GLCE: variants seen among roughly 807,000 people sequenced by gnomAD.
The protein encoded by GLCE is D-glucuronyl C5-epimerase.
GLCE carries 19 observed loss-of-function variants against 47.9 expected under a neutral mutation model. That is an observed-to-expected ratio of 0.40 (90% confidence interval 0.28 to 0.58). The LOEUF (loss-of-function observed/expected upper bound fraction) is 0.58. Among genes scored for constraint, GLCE ranks in the 20% least tolerant of loss-of-function variants. The pLI, the probability that GLCE is intolerant of heterozygous loss-of-function variation, is 0.48. For missense variants in GLCE, 556 were observed against 743.3 expected (o/e 0.75, Z 2.93); for synonymous variants, 245 against 263.4 (o/e 0.93, Z 0.68).
At chr15:69,171,893 T>C (rs1055531590) in intron 1 of GLCE, among the ~76,000 whole-genome samples, 1 of 152,170 alleles carries the variant, frequency 6.6e-6, no homozygotes, top group Non-Finnish European at 1.5e-5. Context: ...TTACATCTAA[T>C]TGTGATTGGT....
chr15:69,265,955 T>C (rs2053079823), intron 4 of GLCE, among the ~76,000 whole-genome samples: 1 of 152,246 alleles, frequency 6.6e-6, no homozygotes, highest in Non-Finnish European at 1.5e-5. Context: ...TTCAGAATCC[T>C]GCAGTGTTTC....
At chr15:69,172,775 A>T (rs1403403999) in intron 1 of GLCE, among the ~76,000 whole-genome samples, 3 of 152,240 alleles carry the variant, frequency 2.0e-5, no homozygotes, top group Non-Finnish European at 4.4e-5. Flanking sequence ...GATTTTTATC[A>T]GTTACTCTGA....
chr15:69,180,289 A>G (rs756906244), intron 1 of GLCE, among the ~76,000 whole-genome samples: 1 of 152,192 alleles, frequency 6.6e-6, no homozygotes, highest in Non-Finnish European at 1.5e-5. Context: ...ATATTTGACC[A>G]TTTTATGCCA....
chr15:69,177,622 C>G (rs1429839737), intron 1 of GLCE, among the ~76,000 whole-genome samples: 1 of 151,978 alleles, frequency 6.6e-6, no homozygotes, highest in East Asian at 1.9e-4. Context: ...CCTTTATTAT[C>G]TTTACTTCAT....
rs568201018 is a variant in GLCE at position 69,271,400 on chromosome 15, C to G, written c.*2156C>G. The G allele has an allele frequency of 2.0e-5, 3 of 152,724 alleles. No individual in the cohort carries two copies. In the East Asian group the frequency reaches 5.8e-4, roughly 29 times the overall value. 9.5% of individuals were successfully genotyped at this position (152,724 alleles called of 1,614,324 possible). A position where few individuals can be genotyped will look rare whatever the true frequency, so the allele number is the denominator to read the frequency against. The stretch of plus-strand genomic sequence containing the variant: ...GCAGATCCCAGAGTCAGTAAATCTG[C>G]CTGTGAAGTATGATAGTCTGCATTT... On this transcript the variant is annotated 3_prime_UTR_variant, in exon 5 of 5. Coordinates refer to ENST00000261858, the MANE Select transcript of GLCE (RefSeq NM_015554.3).
At chr15:69,258,291 C>T (rs899593968) in intron 3 of GLCE, among the ~76,000 whole-genome samples, 4 of 149,808 alleles carry the variant, frequency 2.7e-5, no homozygotes, top group Admixed American at 6.9e-5. Context: ...GATAATGGCC[C>T]CTCGCTCCAT....
At position 69,261,148 on chromosome 15, in the gene GLCE, G is replaced by A; in HGVS notation, c.648G>A (p.Gln216=). ...ATTTCTATCCAATCCAGATTGCACA[G>A]TATGGATTAAGTCATTACAGCAAGA... is the stretch of plus-strand genomic sequence containing the variant. ...QGYFYPIQIA[Q]YGLSHYSKNL... The change falls in exon 4 of 5, where the codon CAG becomes CAA. Residue 216 remains glutamine (Q), a synonymous_variant. Transcript: ENST00000261858. 1 of 1,611,524 alleles carries A rather than the reference G, an allele frequency of 6.2e-7. No homozygotes were observed. Among genetic ancestry groups the A allele is most frequent in the Non-Finnish European group, 8.5e-7 (1 of 1,177,618 alleles).
intron 2 of GLCE, among the ~76,000 whole-genome samples, chr15:69,251,438 C>T (rs1041562693): frequency 5.3e-5 from 8 of 152,104 alleles, no homozygotes; most frequent in Non-Finnish European, 1.0e-4. Flanking sequence ...GTATGAATCT[C>T]TAGGTCATGG....
chr15:69,229,243 TAAAGC>T (rs2052488349), intron 2 of GLCE, among the ~76,000 whole-genome samples: 1 of 152,152 alleles, frequency 6.6e-6, no homozygotes, highest in Admixed American at 6.5e-5. Context: ...TTTAAAGAAA[TAAAGC>T]AAAATATGAC....
chr15:69,216,430 T>C (rs943064372), intron 2 of GLCE, among the ~76,000 whole-genome samples: 1 of 152,140 alleles, frequency 6.6e-6, no homozygotes, highest in Non-Finnish European at 1.5e-5. Context: ...TGGGCTACTT[T>C]ATATAAACAT....
chr15:69,203,037 G>A (rs1433574072), intron 1 of GLCE, among the ~76,000 whole-genome samples: 2 of 152,074 alleles, frequency 1.3e-5, no homozygotes, highest in Admixed American at 6.5e-5. Flanking sequence ...TACTAATTTG[G>A]GTGAAGGAAA....
chr15:69,179,266 A>G (rs569815546), intron 1 of GLCE, among the ~76,000 whole-genome samples: 1 of 152,322 alleles, frequency 6.6e-6, no homozygotes, highest in Admixed American at 6.5e-5. Context: ...ATTTCTTGTC[A>G]AGAGAATATT....
intron 2 of GLCE, among the ~76,000 whole-genome samples, chr15:69,226,960 G>A (rs998491980): frequency 1.5e-4 from 23 of 151,892 alleles, no homozygotes; most frequent in Non-Finnish European, 3.2e-4. Flanking sequence ...GGCCAGGCTG[G>A]TCTCGACCTC....
intron 1 of GLCE, among the ~76,000 whole-genome samples, chr15:69,203,365 A>C (rs2052102749): frequency 6.6e-6 from 1 of 152,158 alleles, no homozygotes; most frequent in South Asian, 2.1e-4. Flanking sequence ...CAGGAAATTT[A>C]CTAACCTACT....
At chr15:69,247,796 G>A (rs2052773829) in intron 2 of GLCE, among the ~76,000 whole-genome samples, 1 of 152,074 alleles carries the variant, frequency 6.6e-6, no homozygotes, top group South Asian at 2.1e-4. Context: ...CAGGCAATCG[G>A]GGAACAGCTG....
intron 1 of GLCE, among the ~76,000 whole-genome samples, chr15:69,205,662 T>C (rs2052140465): frequency 6.6e-6 from 1 of 152,108 alleles, no homozygotes; most frequent in African/African-American, 2.4e-5. Flanking sequence ...CTTGGTATGT[T>C]CAATCTTTTT....
rs2053163702 is a variant in GLCE at position 69,271,285 on chromosome 15, A to AT, written c.*2042dup. 6.6e-6 allele frequency: 1 copy of AT among 152,642 alleles called. No homozygotes were observed. The highest frequency in any genetic ancestry group is 2.1e-4 in the South Asian group (1 of 4,836). The allele number at this position is 152,642 out of a possible 1,614,324, so 9.5% of individuals were successfully genotyped here. A position where few individuals can be genotyped will look rare whatever the true frequency, so the allele number is the denominator to read the frequency against. ...TGTGATCCCAGAATTTTCTAAGAGG[A>AT]TGAGTTGAATCTATAGCAGCATTGT... is the stretch of plus-strand genomic sequence containing the variant. On this transcript the variant is annotated 3_prime_UTR_variant, in exon 5 of 5. Transcript: ENST00000261858.
At chr15:69,171,361 A>G (rs1490509349) in intron 1 of GLCE, among the ~76,000 whole-genome samples, 1 of 151,582 alleles carries the variant, frequency 6.6e-6, no homozygotes, top group Non-Finnish European at 1.5e-5. Flanking sequence ...CAGGATTTTA[A>G]TGGTTTAGGG....
chr15:69,213,609 T>A (rs1225375537), intron 2 of GLCE, among the ~76,000 whole-genome samples: 1 of 152,122 alleles, frequency 6.6e-6, no homozygotes, highest in Non-Finnish European at 1.5e-5. Flanking sequence ...GTGGTGTCTA[T>A]CAGATTTCTC....
Sources: gnomAD v4.1 joint callset for allele counts (sites outside exome capture counted in the v4.1 genomes callset) on GRCh38, gnomAD v4.1.1 for gene constraint, MANE v1.5 for transcripts, NCBI Gene and HGNC (gene_info 2026-07-23, HGNC 2026-07-21) for gene names.